GAB2: variants seen among roughly 807,000 people sequenced by gnomAD.
GAB2 encodes the protein GRB2 associated binding protein 2, also known as GRB2-associated-binding protein 2.
GAB2 carries 26 observed loss-of-function variants against 65.5 expected under a neutral mutation model. The ratio of observed to expected loss-of-function variants is 0.40; its 90% CI spans 0.29 to 0.55. The LOEUF is 0.55. Ranked by LOEUF, GAB2 falls within the 20% of genes least tolerant of loss-of-function variation. The pLI is 0.53. For synonymous variants in GAB2, 321 were observed against 329.6 expected, an observed-to-expected ratio of 0.97 and a Z score of 0.28; for missense variants, 884 against 875.8, an observed-to-expected ratio of 1.01 and a Z score of -0.12.
At chr11:78,271,285 G>C (rs766333074) in intron 2 of GAB2, among the ~76,000 whole-genome samples, 1 of 152,218 alleles carries the variant, frequency 6.6e-6, no homozygotes, top group Non-Finnish European at 1.5e-5. Context: ...TCTGAGGACT[G>C]ACAGCTATTT....
intron 1 of GAB2, chr11:78,364,174 G>A (rs1449760653): frequency 6.6e-6 from 1 of 152,046 alleles, no homozygotes; most frequent in Admixed American, 6.5e-5. Flanking sequence ...CAAAGAGCTT[G>A]GATAAAGACT....
rs74817689 is a variant in GAB2 at position 78,225,169 on chromosome 11, C to T, written c.1241G>A (p.Arg414His). ...SSCETYEYPQ[R>H]GGESAGRSAE... ...AGACCGGCCTGCACTCTCTCCACCA[C>T]GCTGTGGGTACTCGTAGGTCTCACA... Residue 414 changes from arginine (R) to histidine (H), a missense_variant, in exon 5 of 10, where the codon CGT (arginine) becomes CAT (histidine). Arg to His is a conservative substitution (Grantham distance 29). Transcript: ENST00000361507. The T allele has an allele frequency of 3.0e-3, 4,767 of 1,613,282 alleles. 123 individuals are homozygous for T. In the African/African-American group the frequency reaches 0.055, roughly 19 times the overall value.
chr11:78,417,351 C>T (rs1360755751), intron 1 of GAB2, among the ~76,000 whole-genome samples: 1 of 151,658 alleles, frequency 6.6e-6, no homozygotes, highest in Admixed American at 6.5e-5. Context: ...GCCATCAATA[C>T]AAAACTTCGA....
chr11:78,406,692 G>C (rs73502975), intron 1 of GAB2, among the ~76,000 whole-genome samples: 13,445 of 151,998 alleles, frequency 0.088, 1,895 homozygotes, highest in African/African-American at 0.3. Flanking sequence ...AATAGAAAAC[G>C]ACTCATTATA....
intron 1 of GAB2, among the ~76,000 whole-genome samples, chr11:78,417,038 G>A (rs915770616): frequency 6.6e-6 from 1 of 152,164 alleles, no homozygotes; most frequent in African/African-American, 2.4e-5. Flanking sequence ...AGGCGCCTGT[G>A]AGAGACGAAC....
intron 1 of GAB2, among the ~76,000 whole-genome samples, chr11:78,331,763 C>A (rs543094823): frequency 6.6e-6 from 1 of 152,222 alleles, no homozygotes; most frequent in Non-Finnish European, 1.5e-5. Context: ...CAGATCAGAC[C>A]AAACTCACAA....
At chr11:78,264,564 C>A (rs1322719795) in intron 2 of GAB2, among the ~76,000 whole-genome samples, 1 of 147,982 alleles carries the variant, frequency 6.8e-6, no homozygotes, top group African/African-American at 2.5e-5. Context: ...CCATGCCCAG[C>A]TAATTTTTGT....
At chr11:78,327,642 C>T (rs1200647861) in intron 1 of GAB2, among the ~76,000 whole-genome samples, 1 of 152,102 alleles carries the variant, frequency 6.6e-6, no homozygotes, top group East Asian at 1.9e-4. Flanking sequence ...TGAGTCCCAA[C>T]CACAGTGGGA....
At chr11:78,323,455 A>C (rs1418481411) in intron 1 of GAB2, among the ~76,000 whole-genome samples, 1 of 152,128 alleles carries the variant, frequency 6.6e-6, no homozygotes, top group Non-Finnish European at 1.5e-5. Flanking sequence ...GGTTGTAGTC[A>C]GCCGAGATCA....
At chr11:78,299,445 T>C (rs1038554491) in intron 1 of GAB2, among the ~76,000 whole-genome samples, 4 of 152,220 alleles carry the variant, frequency 2.6e-5, no homozygotes, top group African/African-American at 7.2e-5. Flanking sequence ...GTGCCCAAAC[T>C]GTGAAGACAC....
At chr11:78,356,833 A>G (rs1446595624) in intron 1 of GAB2, among the ~76,000 whole-genome samples, 3 of 152,378 alleles carry the variant, frequency 2.0e-5, no homozygotes, top group Middle Eastern at 3.4e-3. Context: ...AAGGAATGGC[A>G]TTCTGAAATG....
At chr11:78,243,936 C>T (rs1445780067) in intron 3 of GAB2, among the ~76,000 whole-genome samples, 1 of 152,082 alleles carries the variant, frequency 6.6e-6, no homozygotes, top group Non-Finnish European at 1.5e-5. Flanking sequence ...ACAAACACAA[C>T]TTACCAAGAT....
At chr11:78,393,794 C>G (rs1856861821) in intron 1 of GAB2, among the ~76,000 whole-genome samples, 1 of 152,212 alleles carries the variant, frequency 6.6e-6, no homozygotes, top group African/African-American at 2.4e-5. Flanking sequence ...AGAGTGTTTA[C>G]AATGTGCCTG....
At chr11:78,402,027 G>A (rs768422830) in intron 1 of GAB2, among the ~76,000 whole-genome samples, 1 of 152,150 alleles carries the variant, frequency 6.6e-6, no homozygotes, top group African/African-American at 2.4e-5. Context: ...CTACAAACAA[G>A]TCTTGAATGG....
intron 2 of GAB2, among the ~76,000 whole-genome samples, chr11:78,274,410 C>G (rs11237435): frequency 0.019 from 2,936 of 152,314 alleles, 104 homozygotes; most frequent in African/African-American, 0.069. Flanking sequence ...TTGATCAACT[C>G]CAGGGGATAC....
chr11:78,343,740 A>C (rs1434622488), intron 1 of GAB2, among the ~76,000 whole-genome samples: 1 of 152,198 alleles, frequency 6.6e-6, no homozygotes, highest in Non-Finnish European at 1.5e-5. Flanking sequence ...ATGTAAAAAG[A>C]AACAGGTGAA....
intron 1 of GAB2, among the ~76,000 whole-genome samples, chr11:78,397,802 A>C (rs1856920264): frequency 6.6e-6 from 1 of 152,022 alleles, no homozygotes; most frequent in South Asian, 2.1e-4. Context: ...ATACTTATGT[A>C]CACTGTAGAT....
chr11:78,267,176 C>G (rs1464140247), intron 2 of GAB2, among the ~76,000 whole-genome samples: 4 of 152,138 alleles, frequency 2.6e-5, no homozygotes, highest in Admixed American at 1.3e-4. Flanking sequence ...GACTGAGACA[C>G]TGGAAAATTA....
chr11:78,300,532 C>CAAAAAAAG (rs1255395653), intron 1 of GAB2, among the ~76,000 whole-genome samples: 1 of 126,368 alleles, frequency 7.9e-6, no homozygotes, highest in Non-Finnish European at 1.8e-5. Context: ...AACAAAAAAA[C>CAAAAAAAG]AAAAAACTAC....
Sources: gnomAD v4.1 joint callset for allele counts (sites outside exome capture counted in the v4.1 genomes callset) on GRCh38, gnomAD v4.1.1 for gene constraint, MANE v1.5 for transcripts, NCBI Gene and HGNC (gene_info 2026-07-23, HGNC 2026-07-21) for gene names.